Variants in KIAA1217 observed in about 807,000 individuals in gnomAD.
KIAA1217 encodes sickle tail protein homolog.
Under a neutral mutation model 163.9 loss-of-function variants are expected in KIAA1217, and 88 were observed. The ratio of observed to expected loss-of-function variants is 0.54; its 90% CI spans 0.45 to 0.64. The LOEUF (loss-of-function observed/expected upper bound fraction) is 0.64. KIAA1217 is among the 30% of genes least tolerant of loss of function. KIAA1217 has a pLI of 0.00. For missense variants in KIAA1217, 2,372 were observed against 2,475.0 expected, an observed-to-expected ratio of 0.96 and a Z score of 0.88; for synonymous variants, 903 against 923.1, an observed-to-expected ratio of 0.98 and a Z score of 0.39.
intron 2 of KIAA1217, among the ~76,000 whole-genome samples, chr10:24,027,566 A>T (rs909313386): frequency 1.3e-5 from 2 of 152,150 alleles, no homozygotes; most frequent in East Asian, 3.9e-4. Context: ...ATCTAGGAAC[A>T]TATTTAACAA....
At chr10:23,814,111 C>A (rs1482989819) in intron 1 of KIAA1217, among the ~76,000 whole-genome samples, 2 of 152,034 alleles carry the variant, frequency 1.3e-5, no homozygotes, top group African/African-American at 2.4e-5. Context: ...TTAAAAGGAG[C>A]CCCCAAAAAA....
intron 1 of KIAA1217, among the ~76,000 whole-genome samples, chr10:23,832,713 T>C (rs1838269331): frequency 6.6e-6 from 1 of 152,118 alleles, no homozygotes; most frequent in African/African-American, 2.4e-5. Flanking sequence ...TATTTCTCAT[T>C]TTATCACAAT....
intron 1 of KIAA1217, among the ~76,000 whole-genome samples, chr10:23,935,608 A>G (rs1028927844): frequency 2.6e-5 from 4 of 152,230 alleles, no homozygotes; most frequent in African/African-American, 9.6e-5. Flanking sequence ...TATAACAGCA[A>G]GGGAAGTGAG....
intron 1 of KIAA1217, among the ~76,000 whole-genome samples, chr10:23,748,461 C>CAAGGAAGGAAGGAAGG (rs763422691): frequency 0.026 from 3,510 of 133,588 alleles, 77 homozygotes; most frequent in Admixed American, 0.062. Context: ...AGGAAGGAAG[C>CAAGGAAGGAAGGAAGG]AAGGAAGGAA....
chr10:23,838,957 T>A (rs893980798), intron 1 of KIAA1217, among the ~76,000 whole-genome samples: 5 of 152,162 alleles, frequency 3.3e-5, no homozygotes, highest in Non-Finnish European at 5.9e-5. Flanking sequence ...AATACAGGAT[T>A]TTTTCCCTTT....
At chr10:24,140,703 G>C (rs934704957) in intron 2 of KIAA1217, among the ~76,000 whole-genome samples, 1 of 152,154 alleles carries the variant, frequency 6.6e-6, no homozygotes, top group African/African-American at 2.4e-5. Flanking sequence ...TTGAACTGAG[G>C]TTAATTGAAA....
At position 23,860,486 on chromosome 10, in the gene KIAA1217, G is replaced by T. The variant is rs906299088; in HGVS notation, c.-320-146739G>T. Among the ~76,000 whole-genome samples the T allele has an allele frequency of 3.3e-5, 5 of 152,200 alleles. No individual in the cohort carries two copies. The East Asian group carries it at 7.7e-4, about 23-fold the overall frequency. ...TAATTTAATGACAATATTATACATTGTAATGAAATGTTTACATGTCAGAAC... is the reference window on the plus strand; with the variant it reads ...TAATTTAATGACAATATTATACATTTTAATGAAATGTTTACATGTCAGAAC... On this transcript the variant is annotated intron_variant, in intron 1 of 18. Transcript: ENST00000376462.
At chr10:24,258,640 T>A (rs1391490178) in intron 2 of KIAA1217, among the ~76,000 whole-genome samples, 1 of 151,578 alleles carries the variant, frequency 6.6e-6, no homozygotes, top group Non-Finnish European at 1.5e-5. Flanking sequence ...TCACCCAGGC[T>A]GGAGTGCAGT....
Position 24,103,554 on chromosome 10 carries a change from A to C in KIAA1217, c.-171+96180A>C, listed in dbSNP as rs1021627905. On this transcript the variant is annotated intron_variant, in intron 2 of 18. Coordinates refer to the KIAA1217 transcript ENST00000376462. ...CAACGAACTCTTAAAACCCAACAAT[A>C]ATAAGACAACCCAATTTAAAAGTGG... Among the ~76,000 whole-genome samples the C allele has an allele frequency of 1.2e-4, 18 of 152,220 alleles. 1 individual carries two copies. Among genetic ancestry groups the C allele is most frequent in the Non-Finnish European group, 1.0e-4 (7 of 68,032 alleles).
chr10:24,401,870 C>A (rs185411526), intron 3 of KIAA1217, among the ~76,000 whole-genome samples: 5 of 152,264 alleles, frequency 3.3e-5, no homozygotes, highest in Non-Finnish European at 2.9e-5. Flanking sequence ...AGTTCAAGAT[C>A]AACATACAAA....
At chr10:24,409,984 CTTTTT>C (rs1564631473) in intron 3 of KIAA1217, among the ~76,000 whole-genome samples, 1 of 141,556 alleles carries the variant, frequency 7.1e-6, no homozygotes, top group Non-Finnish European at 1.6e-5. Flanking sequence ...CTTTTCTTTT[CTTTTT>C]CTTTTTTCTT....
chr10:24,149,803 G>A (rs1376835687), intron 2 of KIAA1217, among the ~76,000 whole-genome samples: 1 of 152,048 alleles, frequency 6.6e-6, no homozygotes, highest in Non-Finnish European at 1.5e-5. Flanking sequence ...GCATATCCCA[G>A]TTACCCTGAT....
chr10:24,170,613 C>A (rs977174443), intron 2 of KIAA1217, among the ~76,000 whole-genome samples: 7 of 152,296 alleles, frequency 4.6e-5, no homozygotes, highest in Admixed American at 4.6e-4. Context: ...AGTGAATGGA[C>A]ATGATGGTCA....
chr10:24,181,690 A>T (rs931553383), intron 2 of KIAA1217, among the ~76,000 whole-genome samples: 1 of 152,212 alleles, frequency 6.6e-6, no homozygotes, highest in Non-Finnish European at 1.5e-5. Flanking sequence ...AGGAGATGAT[A>T]GTTTTGTCCA....
At chr10:23,786,309 G>A (rs912186277) in intron 1 of KIAA1217, among the ~76,000 whole-genome samples, 9 of 152,090 alleles carry the variant, frequency 5.9e-5, no homozygotes, top group Admixed American at 5.2e-4. Context: ...GGGAGGAGGG[G>A]AGGAGAACAT....
intron 3 of KIAA1217, 116 bp downstream of exon 3, chr10:24,381,183 C>T (rs2053246524): frequency 1.3e-6 from 1 of 772,822 alleles, no homozygotes; most frequent in East Asian, 3.2e-5. Flanking sequence ...TGCAAATACT[C>T]TAGTACTGGG....
At chr10:23,771,547 A>T (rs1400052843) in intron 1 of KIAA1217, among the ~76,000 whole-genome samples, 1 of 152,244 alleles carries the variant, frequency 6.6e-6, no homozygotes, top group Non-Finnish European at 1.5e-5. Flanking sequence ...TGTACAACAG[A>T]TAAACTTTTA....
At chr10:23,775,394 T>C (rs1834965779) in intron 1 of KIAA1217, among the ~76,000 whole-genome samples, 1 of 152,124 alleles carries the variant, frequency 6.6e-6, no homozygotes, top group African/African-American at 2.4e-5. Flanking sequence ...GGCAATACTA[T>C]TGATTGACAT....
chr10:24,404,383 A>G (rs1022766323), intron 3 of KIAA1217, among the ~76,000 whole-genome samples: 12 of 152,066 alleles, frequency 7.9e-5, no homozygotes, highest in African/African-American at 2.7e-4. Flanking sequence ...CCTGGCCAAC[A>G]TGGTGAAACC....
Sources: gnomAD v4.1 joint callset for allele counts (sites outside exome capture counted in the v4.1 genomes callset) on GRCh38, gnomAD v4.1.1 for gene constraint, MANE v1.5 for transcripts, NCBI Gene and HGNC (gene_info 2026-07-23, HGNC 2026-07-21) for gene names.